SHQ1: variants seen among roughly 807,000 people sequenced by gnomAD.
The protein encoded by SHQ1 is protein SHQ1 homolog.
SHQ1 carries 49 observed loss-of-function variants against 53.8 expected under a neutral mutation model. The ratio of observed to expected loss-of-function variants is 0.91; its 90% confidence interval spans 0.72 to 1.16. SHQ1 has a LOEUF of 1.16. SHQ1 is among the 50% of genes most tolerant of loss of function. SHQ1 has a pLI of 0.00. For synonymous variants in SHQ1, 243 were observed against 251.0 expected, an observed-to-expected ratio of 0.97 and a Z score of 0.30; for missense variants, 738 against 683.1, an observed-to-expected ratio of 1.08 and a Z score of -0.90.
intron 1 of SHQ1, among the ~76,000 whole-genome samples, chr3:72,847,518 G>A (rs970829262): frequency 6.6e-6 from 1 of 152,132 alleles, no homozygotes; most frequent in Non-Finnish European, 1.5e-5. Flanking sequence ...ACCACACTAC[G>A]AGTTATCAGT....
At chr3:72,800,391 C>T (rs1400448126) in intron 9 of SHQ1, among the ~76,000 whole-genome samples, 6 of 152,316 alleles carry the variant, frequency 3.9e-5, no homozygotes, top group Admixed American at 6.5e-5. Context: ...TTTAACCCTA[C>T]GAGTTAGGTA....
At chr3:72,728,888 G>A in the SHQ1 span, among the ~76,000 whole-genome samples, 1 of 152,190 alleles carries the variant, frequency 6.6e-6, no homozygotes, top group Non-Finnish European at 1.5e-5. Flanking sequence ...AGCCTCTGAG[G>A]CTCCTTGACG....
At chr3:72,773,383 C>T in intron 10 of SHQ1, 2 of 476,328 alleles carry the variant, frequency 4.2e-6, no homozygotes, top group Non-Finnish European at 8.1e-6. Flanking sequence ...CAGTACATCC[C>T]TCAGCCTATC....
At chr3:72,780,401 A>C (rs993393344) in intron 10 of SHQ1, among the ~76,000 whole-genome samples, 16 of 152,246 alleles carry the variant, frequency 1.1e-4, no homozygotes, top group African/African-American at 2.9e-4. Flanking sequence ...TGACAACTGT[A>C]ATTTTAAATA....
intron 10 of SHQ1, among the ~76,000 whole-genome samples, chr3:72,759,784 T>C (rs1321500700): frequency 6.6e-6 from 1 of 152,192 alleles, no homozygotes; most frequent in Non-Finnish European, 1.5e-5. Context: ...ATGTTAACAA[T>C]ATGTAGGTTA....
chr3:72,750,247 AC>A lies in SHQ1; in HGVS notation c.*36del, dbSNP rs1559656712. On this transcript the variant is annotated 3_prime_UTR_variant, in exon 11 of 11. Coordinates refer to ENST00000325599, the MANE Select transcript of SHQ1 (RefSeq NM_018130.3). ...TCATTCGGTAAATGAAACCCAATCT[AC>A]CATATTTCTCAACAATGAATAAAAC... 1 of 1,467,512 alleles carries A rather than the reference AC, an allele frequency of 6.8e-7. No individual in the cohort carries two copies. Among genetic ancestry groups the A allele is most frequent in the Non-Finnish European group, 9.3e-7 (1 of 1,077,266 alleles). 90.9% of individuals were successfully genotyped at this position (1,467,512 alleles called of 1,614,324 possible). A position where few individuals can be genotyped will look rare whatever the true frequency, so the allele number is the denominator to read the frequency against.
chr3:72,792,784 CAAAAAAAAAAAAAAAAA>C (rs59948195), intron 10 of SHQ1, 115 bp downstream of exon 10: 54 of 258,910 alleles, frequency 2.1e-4, no homozygotes, highest in Admixed American at 5.1e-4. Flanking sequence ...ACCTCCATCT[CAAAAAAAAAAAAAAAAA>C]AAAAAAAAAA....
chr3:72,772,867 G>C (rs1186383417), intron 10 of SHQ1: 2 of 778,054 alleles, frequency 2.6e-6, no homozygotes, highest in African/African-American at 3.4e-5. Context: ...AAAATGGGAA[G>C]CTGTGGACAA....
intron 5 of SHQ1, 87 bp downstream of exon 5, chr3:72,832,282 C>T: frequency 1.1e-6 from 1 of 915,796 alleles, no homozygotes; most frequent in Non-Finnish European, 1.8e-6. Flanking sequence ...CCGAAATGCA[C>T]ATCCCTAGCA....
At chr3:72,787,381 G>A (rs1706265629) in intron 10 of SHQ1, among the ~76,000 whole-genome samples, 2 of 152,182 alleles carry the variant, frequency 1.3e-5, no homozygotes, top group South Asian at 4.1e-4. Flanking sequence ...ACTGATAAGA[G>A]TCAGGATTTT....
Position 72,818,761 on chromosome 3 carries a change from T to C in SHQ1, c.728-1377A>G, listed in dbSNP as rs560136716. ...AGACCAAAGCCAGGGACTCGCCTGCTAGTTTTGAAGAAATAAGATGTCACA... is the reference window on the plus strand; with the variant it reads ...AGACCAAAGCCAGGGACTCGCCTGCCAGTTTTGAAGAAATAAGATGTCACA... On this transcript the variant is annotated intron_variant, in intron 6 of 10. Transcript: ENST00000325599. Among the ~76,000 whole-genome samples the C allele has an allele frequency of 5.9e-5, 9 of 152,298 alleles. No homozygotes were observed. In the South Asian group the frequency reaches 8.3e-4, roughly 14 times the overall value.
downstream of SHQ1, among the ~76,000 whole-genome samples, chr3:72,746,782 G>A (rs150785177): frequency 4.3e-3 from 657 of 152,336 alleles, 3 homozygotes; most frequent in Non-Finnish European, 7.2e-3. Flanking sequence ...CTTCCATGGC[G>A]TTAAATTTTT....
At chr3:72,830,722 C>T (rs1707798354) in intron 5 of SHQ1, among the ~76,000 whole-genome samples, 1 of 152,048 alleles carries the variant, frequency 6.6e-6, no homozygotes, top group Non-Finnish European at 1.5e-5. Flanking sequence ...TAGCCCATAA[C>T]TAAATTTAAA....
intron 10 of SHQ1, among the ~76,000 whole-genome samples, chr3:72,772,319 G>T (rs1705872312): frequency 6.6e-6 from 1 of 152,090 alleles, no homozygotes; most frequent in South Asian, 2.1e-4. Context: ...CAAGAATGAG[G>T]GATTAAGCTT....
the SHQ1 span, among the ~76,000 whole-genome samples, chr3:72,741,989 G>A: frequency 1.3e-4 from 20 of 152,086 alleles, no homozygotes; most frequent in South Asian, 2.1e-4. Context: ...CTTGCACATC[G>A]CTGGATTTTG....
chr3:72,813,465 C>CAA lies in SHQ1; in HGVS notation c.937-673_937-672dup, dbSNP rs938471344. Among the ~76,000 whole-genome samples, 84 of 61,352 alleles carry CAA rather than the reference C, an allele frequency of 1.4e-3. 2 individuals carry two copies. The highest frequency in any genetic ancestry group is 1.5e-3 in the Non-Finnish European group (50 of 32,412). The allele number at this position is 61,352 out of a possible 152,430, so 40.2% of individuals were successfully genotyped here. On this transcript the variant is annotated intron_variant, in intron 8 of 10. Transcript: ENST00000325599. ...TGGACAATAGAGTGAGACTCCATCT[C>CAA]AAAAAAAAAAAAAAAAAAGGCCGGG...
chr3:72,743,055 T>C, the SHQ1 span, among the ~76,000 whole-genome samples: 3 of 152,224 alleles, frequency 2.0e-5, no homozygotes. Context: ...AGTAGAATAC[T>C]GCCTGGGTTG....
chr3:72,833,487 TAGATAGATAGATAGACAGAC>T (rs202052445), intron 4 of SHQ1, among the ~76,000 whole-genome samples: 13,878 of 101,952 alleles, frequency 0.14, 777 homozygotes, highest in Middle Eastern at 0.2. Flanking sequence ...GATAGATAGA[TAGATAGATAGATAGACAGAC>T]AGACAGACAG....
At chr3:72,750,891 T>A (rs1045249018) in intron 10 of SHQ1, 55 bp from the exon 11 acceptor site, 1 of 1,406,548 alleles carries the variant, frequency 7.1e-7, no homozygotes, top group African/African-American at 1.4e-5. Context: ...GGCCTGGGGA[T>A]AACAGGTTAT....
Sources: allele counts gnomAD v4.1 joint callset (sites outside exome capture counted in the v4.1 genomes callset), GRCh38; gene constraint gnomAD v4.1.1; transcripts MANE v1.5; gene names NCBI Gene and HGNC (gene_info 2026-07-23, HGNC 2026-07-21).